CSMD2: variants seen among roughly 807,000 people sequenced by gnomAD.
The protein encoded by CSMD2 is CUB and sushi domain-containing protein 2.
In CSMD2, 130 loss-of-function variants were observed where a neutral mutation model predicts 398.5. The ratio of observed to expected loss-of-function variants is 0.33; its 90% CI spans 0.28 to 0.38. CSMD2 has a LOEUF of 0.38. Ranked by LOEUF, CSMD2 falls within the 10% of genes least tolerant of loss-of-function variation. The pLI is 1.00. For missense variants in CSMD2, 3,829 were observed against 4,764.9 expected, an observed-to-expected ratio of 0.80 and a Z score of 5.78; for synonymous variants, 1,828 against 1,908.5, an observed-to-expected ratio of 0.96 and a Z score of 1.10.
At chr1:34,057,923 G>A (rs986153094) in intron 2 of CSMD2, among the ~76,000 whole-genome samples, 2 of 152,210 alleles carry the variant, frequency 1.3e-5, no homozygotes, top group African/African-American at 4.8e-5. Flanking sequence ...GGGTTGGGGT[G>A]AGGAGGTGAG....
Position 33,537,452 on chromosome 1 carries a change from G to C in CSMD2, c.9789C>G (p.Thr3263=), listed in dbSNP as rs145955633. The C allele has an allele frequency of 6.2e-7, 1 of 1,613,216 alleles. No homozygotes were observed. Among genetic ancestry groups the C allele is most frequent in the Non-Finnish European group, 8.5e-7 (1 of 1,179,616 alleles). ...FCQSDGTWSG[T]QPSCIDPTLT... ...ACCTCTCACCTATGCAGCTGGGCTGGGTGCCACTCCATGTCCCATCTGACT... is the reference window on the plus strand; with the variant it reads ...ACCTCTCACCTATGCAGCTGGGCTGCGTGCCACTCCATGTCCCATCTGACT... The change falls in exon 61 of 71, where the codon ACC becomes ACG. Residue 3263 remains threonine, a synonymous_variant. Transcript: ENST00000373381. This position sits in a 1 kb window ranked among gnomAD's most constrained non-coding sequence, Gnocchi z 4.6.
chr1:33,838,542 T>C (rs6425849), intron 6 of CSMD2: 119,640 of 152,228 alleles, frequency 0.79, 47,862 homozygotes, highest in East Asian at 0.94. Flanking sequence ...ACCCACAGTC[T>C]TTTGCCAGAT....
intron 3 of CSMD2, among the ~76,000 whole-genome samples, chr1:33,946,790 CT>C (rs34749287): frequency 0.39 from 56,273 of 143,698 alleles, 10,905 homozygotes; most frequent in Middle Eastern, 0.49. Context: ...GTCCAGCTAA[CT>C]TTTTTTTTTT....
chr1:33,775,570 T>C (rs1651865015), intron 12 of CSMD2, among the ~76,000 whole-genome samples: 1 of 152,196 alleles, frequency 6.6e-6, no homozygotes, highest in African/African-American at 2.4e-5. Flanking sequence ...ACTAAGTGCC[T>C]GGCCTGAGCA....
At chr1:33,776,383 G>GGA (rs1276943885) in intron 12 of CSMD2, among the ~76,000 whole-genome samples, 1 of 152,154 alleles carries the variant, frequency 6.6e-6, no homozygotes, top group Admixed American at 6.5e-5. Context: ...TAGGATGGCA[G>GGA]GAGACCGAGG....
intron 3 of CSMD2, among the ~76,000 whole-genome samples, chr1:34,032,343 G>A (rs990486073): frequency 6.6e-6 from 1 of 152,224 alleles, no homozygotes; most frequent in African/African-American, 2.4e-5. Context: ...AAAGGGGACA[G>A]AGAAGTAGAT....
intron 3 of CSMD2, among the ~76,000 whole-genome samples, chr1:33,997,942 C>G (rs1423550028): frequency 6.6e-6 from 1 of 152,204 alleles, no homozygotes; most frequent in Non-Finnish European, 1.5e-5. Context: ...GGATGGGCAT[C>G]TCCTCTGCCC....
intron 44 of CSMD2, chr1:33,592,448 G>A (rs1570860727): frequency 1.4e-6 from 1 of 716,686 alleles, no homozygotes; most frequent in South Asian, 1.5e-5. Context: ...GCAGATGTGT[G>A]CGTGGAGGGG....
intron 5 of CSMD2, among the ~76,000 whole-genome samples, chr1:33,916,368 T>TGC (rs1643721651): frequency 1.3e-5 from 2 of 152,204 alleles, no homozygotes; most frequent in African/African-American, 2.4e-5. Flanking sequence ...GCATTACACT[T>TGC]ACAGTCAGTA....
intron 1 of CSMD2, among the ~76,000 whole-genome samples, chr1:34,110,402 T>C (rs1287612127): frequency 6.6e-6 from 1 of 152,124 alleles, no homozygotes; most frequent in Non-Finnish European, 1.5e-5. Flanking sequence ...TTTATGTTCA[T>C]TGAAGCACTA....
intron 12 of CSMD2, among the ~76,000 whole-genome samples, chr1:33,774,177 TC>T (rs1651664807): frequency 6.6e-6 from 1 of 150,546 alleles, no homozygotes; most frequent in African/African-American, 2.4e-5. Context: ...ACAAGGGTCC[TC>T]CCCTTTGTGC....
Position 33,950,340 on chromosome 1 carries a change from C to T in CSMD2, c.518-14386G>A, listed in dbSNP as rs367728898. Among the ~76,000 whole-genome samples, 30 of 151,714 alleles carry T rather than the reference C, an allele frequency of 2.0e-4. 1 individual carries two copies. The highest frequency in any genetic ancestry group is 7.3e-4 in the African/African-American group (30 of 41,212). On this transcript the variant is annotated intron_variant, in intron 3 of 70. Transcript: ENST00000373381. Reference sequence around the variant, plus strand: ...TGTACGTACCCGTCTCCTCCTCACACCCAATGTTCCAGCAACAATGGCTCT... The same window carrying T: ...TGTACGTACCCGTCTCCTCCTCACATCCAATGTTCCAGCAACAATGGCTCT...
At chr1:33,798,216 T>C (rs759557217) in intron 10 of CSMD2, among the ~76,000 whole-genome samples, 19 of 152,148 alleles carry the variant, frequency 1.2e-4, no homozygotes, top group Middle Eastern at 3.2e-3. Context: ...TGGCAGCACA[T>C]GAAATAGGCA....
rs545644972 is a variant in CSMD2 at position 33,840,290 on chromosome 1, G to A, written c.1033+6594C>T. 1.4e-4 allele frequency: 22 copies of A among 152,312 alleles called. No individual in the cohort carries two copies. The South Asian group carries it at 3.9e-3, about 27-fold the overall frequency. 9.4% of individuals were successfully genotyped at this position (152,312 alleles called of 1,614,324 possible). A position where few individuals can be genotyped will look rare whatever the true frequency, so the allele number is the denominator to read the frequency against. On this transcript the variant is annotated intron_variant, in intron 6 of 70. Coordinates refer to ENST00000373381, the MANE Select transcript of CSMD2 (RefSeq NM_001281956.2). ...GTTATTGGTTTTGATAGCCTATGCG[G>A]CCTAAGCAATACTGTTTTCTCTACC...
intron 15 of CSMD2, among the ~76,000 whole-genome samples, chr1:33,729,302 T>A (rs190154133): frequency 3.3e-4 from 50 of 152,276 alleles, no homozygotes; most frequent in African/African-American, 1.2e-3. Context: ...TTCTCTGCTG[T>A]GTTGCTTCAT....
At chr1:33,727,119 T>C (rs1355388588) in intron 15 of CSMD2, among the ~76,000 whole-genome samples, 1 of 152,232 alleles carries the variant, frequency 6.6e-6, no homozygotes, top group African/African-American at 2.4e-5. Context: ...CGGTACTCCC[T>C]GCTTCACTGT....
intron 5 of CSMD2, among the ~76,000 whole-genome samples, chr1:33,908,085 C>CAAAAAA (rs35932181): frequency 1.7e-3 from 129 of 76,532 alleles, no homozygotes; most frequent in African/African-American, 2.6e-3. Context: ...GACTCCATCT[C>CAAAAAA]AAAAAAAAAA....
intron 41 of CSMD2, among the ~76,000 whole-genome samples, chr1:33,609,227 G>C (rs747002335): frequency 7.2e-6 from 1 of 138,862 alleles, no homozygotes. Context: ...GATGGACCCC[G>C]GAACCCTGAA....
intron 2 of CSMD2, among the ~76,000 whole-genome samples, chr1:34,068,473 T>G (rs1339009109): frequency 1.3e-5 from 2 of 152,278 alleles, no homozygotes; most frequent in African/African-American, 4.8e-5. Context: ...ACCCATGTTA[T>G]TATTAGCATG....
Sources: allele counts gnomAD v4.1 joint callset (sites outside exome capture counted in the v4.1 genomes callset), GRCh38; gene constraint gnomAD v4.1.1; non-coding constraint Gnocchi (gnomAD v3.1); transcripts MANE v1.5; gene names NCBI Gene and HGNC (gene_info 2026-07-23, HGNC 2026-07-21).